CHCHD3: variants seen among roughly 807,000 people sequenced by gnomAD.
CHCHD3 encodes the protein MICOS complex subunit MIC19.
CHCHD3 carries 20 observed loss-of-function variants against 38.2 expected under a neutral mutation model. The ratio of observed to expected loss-of-function variants is 0.52; its 90% CI spans 0.37 to 0.76. CHCHD3 has a LOEUF of 0.76. CHCHD3 is among the 30% of genes least tolerant of loss of function. The probability of loss-of-function intolerance (pLI) is 0.00; values close to 1 mark genes in which losing one functional copy is unlikely to be tolerated. For synonymous variants in CHCHD3, 82 were observed against 100.0 expected (o/e 0.82, Z 1.07); for missense variants, 245 against 279.2 (o/e 0.88, Z 0.87).
intron 2 of CHCHD3, among the ~76,000 whole-genome samples, chr7:133,069,066 T>C (rs1469098488): frequency 6.6e-6 from 1 of 151,784 alleles, no homozygotes. Flanking sequence ...AACCCTGGAC[T>C]GAGGGTTGCA....
Position 133,069,467 on chromosome 7 carries a change from C to T in CHCHD3, c.169+675G>A, listed in dbSNP as rs185344389. On this transcript the variant is annotated intron_variant, in intron 2 of 7. Transcript: ENST00000262570. ...AATCATCCCAATTATTTTCTTGTTG[C>T]CATTTCACAATAAATAGCGTATCTA... is the stretch of plus-strand genomic sequence containing the variant. Among the ~76,000 whole-genome samples, 3 of 152,174 alleles carry T rather than the reference C, an allele frequency of 2.0e-5. No individual in the cohort carries two copies. The East Asian group carries it at 5.8e-4, about 29-fold the overall frequency.
At chr7:133,060,849 G>A (rs1298975433) in intron 2 of CHCHD3, among the ~76,000 whole-genome samples, 2 of 152,178 alleles carry the variant, frequency 1.3e-5, no homozygotes, top group East Asian at 1.9e-4. Context: ...GGTGGAGGTT[G>A]CAGTGAGCCA....
intron 7 of CHCHD3, among the ~76,000 whole-genome samples, chr7:132,793,075 T>C (rs1055173470): frequency 1.3e-5 from 2 of 152,208 alleles, no homozygotes; most frequent in African/African-American, 2.4e-5. Context: ...GGTCTACCCA[T>C]GAGCAAATAC....
intron 4 of CHCHD3, among the ~76,000 whole-genome samples, chr7:132,925,548 C>G (rs1053063816): frequency 6.6e-6 from 1 of 152,192 alleles, no homozygotes; most frequent in African/African-American, 2.4e-5. Context: ...ACTTCATCCC[C>G]AAGTTACACC....
intron 3 of CHCHD3, among the ~76,000 whole-genome samples, chr7:132,987,559 A>G (rs1812153558): frequency 6.6e-6 from 1 of 152,212 alleles, no homozygotes; most frequent in South Asian, 2.1e-4. Flanking sequence ...CCTTCGAAAC[A>G]GCGCCAGACG....
intron 3 of CHCHD3, among the ~76,000 whole-genome samples, chr7:133,014,344 A>C (rs1315012473): frequency 6.6e-6 from 1 of 151,988 alleles, no homozygotes; most frequent in Non-Finnish European, 1.5e-5. Context: ...AAAAAAAAAA[A>C]ACCTTTCAAA....
chr7:132,956,816 C>G (rs916010783), intron 4 of CHCHD3, among the ~76,000 whole-genome samples: 1 of 152,140 alleles, frequency 6.6e-6, no homozygotes, highest in African/African-American at 2.4e-5. Context: ...TTAATCTTTG[C>G]CCAGCCACTT....
At chr7:132,997,523 A>AT (rs1188549531) in intron 3 of CHCHD3, among the ~76,000 whole-genome samples, 1 of 152,100 alleles carries the variant, frequency 6.6e-6, no homozygotes, top group Non-Finnish European at 1.5e-5. Context: ...TGCTATTTCA[A>AT]TTTTTTGTTA....
At chr7:132,966,831 T>C (rs1318589133) in intron 4 of CHCHD3, among the ~76,000 whole-genome samples, 1 of 152,202 alleles carries the variant, frequency 6.6e-6, no homozygotes, top group Non-Finnish European at 1.5e-5. Context: ...AACTTTTAAT[T>C]TGTTGCAGGT....
chr7:132,803,036 A>G (rs1187418995), intron 6 of CHCHD3, among the ~76,000 whole-genome samples: 2 of 152,176 alleles, frequency 1.3e-5, no homozygotes, highest in Non-Finnish European at 2.9e-5. Flanking sequence ...TGTAATAAAA[A>G]CAAGCACTAG....
intron 2 of CHCHD3, among the ~76,000 whole-genome samples, chr7:133,066,455 A>G (rs1295747246): frequency 2.6e-5 from 4 of 151,984 alleles, no homozygotes; most frequent in Non-Finnish European, 5.9e-5. Flanking sequence ...GGGATTCACC[A>G]TGTTAGGCAG....
chr7:132,897,775 C>A (rs1036813040), intron 4 of CHCHD3, among the ~76,000 whole-genome samples: 3 of 152,224 alleles, frequency 2.0e-5, no homozygotes, highest in African/African-American at 7.2e-5. Flanking sequence ...TTCAAATCCA[C>A]CTGTATACTA....
intron 1 of CHCHD3, among the ~76,000 whole-genome samples, chr7:133,081,252 A>G (rs1290477763): frequency 6.6e-6 from 1 of 152,124 alleles, no homozygotes; most frequent in Non-Finnish European, 1.5e-5. Flanking sequence ...GCAGCAGGTC[A>G]CAGAGGAGGC....
chr7:132,837,250 C>T (rs929851442), intron 6 of CHCHD3, among the ~76,000 whole-genome samples: 1 of 151,884 alleles, frequency 6.6e-6, no homozygotes, highest in African/African-American at 2.4e-5. Context: ...AAAAGGTTTA[C>T]CACCTAAAAA....
chr7:132,807,844 G>T (rs1324415045), intron 6 of CHCHD3, among the ~76,000 whole-genome samples: 1 of 151,506 alleles, frequency 6.6e-6, no homozygotes, highest in African/African-American at 2.4e-5. Flanking sequence ...TGCTTATCAA[G>T]AAATAATGTT....
chr7:132,898,769 C>T (rs1809582723), intron 4 of CHCHD3, among the ~76,000 whole-genome samples: 1 of 152,250 alleles, frequency 6.6e-6, no homozygotes, highest in African/African-American at 2.4e-5. Flanking sequence ...GCAGCTAAGG[C>T]CCGGCGAGAA....
Position 132,985,667 on chromosome 7 carries a change from C to T in CHCHD3, c.252-10381G>A, listed in dbSNP as rs866182996. Among the ~76,000 whole-genome samples the T allele has an allele frequency of 2.7e-4, 12 of 44,836 alleles. 2 individuals carry two copies. Among genetic ancestry groups the T allele is most frequent in the African/African-American group, 1.1e-3 (12 of 11,132 alleles). The allele number at this position is 44,836 out of a possible 152,430, so 29.4% of individuals were successfully genotyped here. On this transcript the variant is annotated intron_variant, in intron 3 of 7. Transcript: ENST00000262570. ...CCTCTGCCCGGCCAGCCGCCCCATC[C>T]GGGAGGGAGGTGGGGGGGGGGTCAG... is the stretch of plus-strand genomic sequence containing the variant.
chr7:132,891,402 T>C (rs1329998965), intron 4 of CHCHD3, among the ~76,000 whole-genome samples: 2 of 152,208 alleles, frequency 1.3e-5, no homozygotes, highest in East Asian at 1.9e-4. Flanking sequence ...TAAACTGCAC[T>C]GATGTCCACT....
rs145822935 is a variant in CHCHD3, at chr7:133,024,867, A to C, written c.170-240T>G. ...TTCCACTCCTGCCAAAATTTATAAC[A>C]AACTCAAGGAACTGCTTACTGTACA... On this transcript the variant is annotated intron_variant, in intron 2 of 7. Transcript: ENST00000262570. Among the ~76,000 whole-genome samples the C allele has an allele frequency of 2.5e-3, 387 of 152,298 alleles. 3 individuals are homozygous for C. Among genetic ancestry groups the C allele is most frequent in the African/African-American group, 8.9e-3 (368 of 41,560 alleles).
Sources: allele counts gnomAD v4.1 joint callset (sites outside exome capture counted in the v4.1 genomes callset), GRCh38; gene constraint gnomAD v4.1.1; transcripts MANE v1.5; gene names NCBI Gene and HGNC (gene_info 2026-07-23, HGNC 2026-07-21).